Variants in MTPAP observed in about 807,000 individuals in gnomAD.
MTPAP encodes mitochondrial poly(A) polymerase, also known as poly(A) RNA polymerase, mitochondrial.
A neutral mutation model predicts 48.7 loss-of-function variants in MTPAP; 23 were observed. The ratio of observed to expected loss-of-function variants is 0.47; its 90% CI spans 0.34 to 0.67. The LOEUF (loss-of-function observed/expected upper bound fraction) is 0.67. MTPAP is among the 30% of genes least tolerant of loss of function. The pLI is 0.01. For missense variants in MTPAP, 614 were observed against 694.3 expected (o/e 0.88, Z 1.30); for synonymous variants, 257 against 254.1 (o/e 1.01, Z -0.11).
At chr10:30,331,893 CA>C (rs1834671903) in intron 4 of MTPAP, among the ~76,000 whole-genome samples, 1 of 152,168 alleles carries the variant, frequency 6.6e-6, no homozygotes, top group African/African-American at 2.4e-5. Flanking sequence ...CATTCATTAG[CA>C]AATAATTTTA....
intron 4 of MTPAP, among the ~76,000 whole-genome samples, chr10:30,328,967 T>C (rs1834631194): frequency 6.6e-6 from 1 of 152,000 alleles, no homozygotes; most frequent in Non-Finnish European, 1.5e-5. Flanking sequence ...CAGGGTATCA[T>C]AGGCTGCCTG....
chr10:30,319,437 A>G (rs977447525), intron 6 of MTPAP, among the ~76,000 whole-genome samples: 1 of 152,244 alleles, frequency 6.6e-6, no homozygotes, highest in Non-Finnish European at 1.5e-5. Flanking sequence ...ACAGCTTAGA[A>G]GAAATGAAAT....
At chr10:30,342,578 C>T (rs957757207) in intron 1 of MTPAP, among the ~76,000 whole-genome samples, 5 of 149,800 alleles carry the variant, frequency 3.3e-5, no homozygotes, top group Admixed American at 2.7e-4. Context: ...ACTAAAATCA[C>T]TTATTTAATA....
chr10:30,318,800 C>G (rs1403002493), intron 6 of MTPAP, among the ~76,000 whole-genome samples: 1 of 152,134 alleles, frequency 6.6e-6, no homozygotes, highest in African/African-American at 2.4e-5. Context: ...CAATACTATT[C>G]CGAGAACAGA....
At position 30,310,719 on chromosome 10, in the gene MTPAP, G is replaced by C. The variant is rs1195710169; in HGVS notation, c.*2890C>G. 1 of 152,060 alleles carries C rather than the reference G, an allele frequency of 6.6e-6. No homozygotes were observed. The highest frequency in any genetic ancestry group is 1.5e-5 in the Non-Finnish European group (1 of 68,096). The allele number at this position is 152,060 out of a possible 1,614,324, so 9.4% of individuals were successfully genotyped here. The stretch of plus-strand genomic sequence containing the variant: ...ATTCAAGACCAGCCTGGCCAACATG[G>C]TGAAACCCCGTCTCTACTAACATAC... On this transcript the variant is annotated 3_prime_UTR_variant, in exon 9 of 9. Coordinates refer to ENST00000263063, the MANE Select transcript of MTPAP (RefSeq NM_018109.4).
intron 5 of MTPAP, among the ~76,000 whole-genome samples, chr10:30,323,712 G>A (rs1046501810): frequency 1.3e-5 from 2 of 152,200 alleles, no homozygotes; most frequent in African/African-American, 4.8e-5. Flanking sequence ...GGGTTTCACC[G>A]TGTTAGCCAG....
chr10:30,316,653 G>A (rs920664219), intron 6 of MTPAP, among the ~76,000 whole-genome samples: 3 of 151,086 alleles, frequency 2.0e-5, no homozygotes, highest in Non-Finnish European at 4.4e-5. Flanking sequence ...ACTTTGGAAG[G>A]CTGAGGCGGG....
intron 1 of MTPAP, among the ~76,000 whole-genome samples, chr10:30,347,014 G>A (rs1211503023): frequency 1.3e-5 from 2 of 152,214 alleles, no homozygotes; most frequent in Non-Finnish European, 2.9e-5. Context: ...TGACCTTAAA[G>A]TATGATATAT....
intron 2 of MTPAP, 63 bp from the exon 3 acceptor site, chr10:30,340,513 G>C (rs1247485030): frequency 7.6e-6 from 8 of 1,046,392 alleles, no homozygotes; most frequent in Non-Finnish European, 1.0e-5. Context: ...TACTATTTTA[G>C]CTCATATATT....
In MTPAP at chr10:30,312,503, G is replaced by C. The variant is rs959178933; in HGVS notation, c.*1106C>G. On this transcript the variant is annotated 3_prime_UTR_variant, in exon 9 of 9. Transcript: ENST00000263063. The stretch of plus-strand genomic sequence containing the variant: ...GAGAATGGCGTGAACCTGGGAGGCA[G>C]AGCTTGCAGTGAGCCGAGATTGCGC... 6 of 145,154 alleles carry C rather than the reference G, an allele frequency of 4.1e-5. No homozygotes were observed. Among genetic ancestry groups the C allele is most frequent in the Admixed American group, 2.2e-4 (3 of 13,760 alleles). The allele number at this position is 145,154 out of a possible 1,614,324, so 9.0% of individuals were successfully genotyped here. A position where few individuals can be genotyped will look rare whatever the true frequency, so the allele number is the denominator to read the frequency against.
At position 30,309,999 on chromosome 10, in the gene MTPAP, T is replaced by C. The variant is rs1840572160; in HGVS notation, c.*3610A>G. On this transcript the variant is annotated 3_prime_UTR_variant, in exon 9 of 9. Coordinates refer to ENST00000263063, the MANE Select transcript of MTPAP (RefSeq NM_018109.4). ...TGGGCTATAGCTGAAATCGTTTTGA[T>C]CTGGGTAGTCTCCTATCAAAATTAC... 1 of 152,212 alleles carries C rather than the reference T, an allele frequency of 6.6e-6. No homozygotes were observed. The highest frequency in any genetic ancestry group is 2.4e-5 in the African/African-American group (1 of 41,454). The allele number at this position is 152,212 out of a possible 1,614,324, so 9.4% of individuals were successfully genotyped here.
At position 30,322,432 on chromosome 10, in the gene MTPAP, G is replaced by A; in HGVS notation, c.1178C>T (p.Pro393Leu). Residue 393 changes from proline to leucine, a missense_variant, in exon 6 of 9, where the codon CCC becomes CTC. Physicochemically the swap from Pro to Leu is moderately conservative, Grantham distance 98. Transcript: ENST00000263063. ...GGAATCTAGTGTTGGAAGAATAGGG[G>A]GTGATCTTCTCTGGAGAAAAAAGAT... ...MVIFFLQRRS[P>L]PILPTLDSLK... 1 of 1,613,282 alleles carries A rather than the reference G, an allele frequency of 6.2e-7. No individual in the cohort carries two copies. Among genetic ancestry groups the A allele is most frequent in the Admixed American group, 1.7e-5 (1 of 60,002 alleles).
chr10:30,328,697 C>T (rs528645362), intron 4 of MTPAP, among the ~76,000 whole-genome samples: 1 of 152,158 alleles, frequency 6.6e-6, no homozygotes, highest in African/African-American at 2.4e-5. Context: ...GGAGTGTACC[C>T]CACATTCATT....
chr10:30,326,273 G>A, intron 5 of MTPAP, 151 bp downstream of exon 5: 1 of 715,394 alleles, frequency 1.4e-6, no homozygotes, highest in Admixed American at 2.9e-5. Flanking sequence ...TAAGAGAAAA[G>A]ATTACTTACT....
At chr10:30,318,031 T>C (rs566529349) in intron 6 of MTPAP, among the ~76,000 whole-genome samples, 1 of 152,172 alleles carries the variant, frequency 6.6e-6, no homozygotes, top group Non-Finnish European at 1.5e-5. Context: ...CTAATTTTTA[T>C]ATTTTTAGTT....
In MTPAP at chr10:30,340,379, T is replaced by C; in HGVS notation, c.402A>G (p.Pro134=). 1 of 1,614,188 alleles carries C rather than the reference T, an allele frequency of 6.2e-7. No individual in the cohort carries two copies. Among genetic ancestry groups the C allele is most frequent in the Non-Finnish European group, 8.5e-7 (1 of 1,180,038 alleles). The stretch of plus-strand genomic sequence containing the variant: ...GAATTGCAGTCTCCATGGCCGTGCT[T>C]GGAGTATGAGTCCCATTCTGCAGTG... The part of the protein sequence containing the change: ...IGSLQNGTHT[P]STAMETAIPF... The change falls in exon 3 of 9, where the codon CCA becomes CCG. Residue 134 remains proline (P), a synonymous_variant. Coordinates refer to ENST00000263063, the MANE Select transcript of MTPAP (RefSeq NM_018109.4).
At chr10:30,349,032 C>T in intron 1 of MTPAP, 87 bp downstream of exon 1, 1 of 1,590,216 alleles carries the variant, frequency 6.3e-7, no homozygotes, top group Non-Finnish European at 8.6e-7. Flanking sequence ...GGGTCCACAG[C>T]CGTTTCCACA....
chr10:30,314,884 CAAAAAAAAA>C (rs34249388), intron 8 of MTPAP, among the ~76,000 whole-genome samples: 20 of 110,746 alleles, frequency 1.8e-4, no homozygotes, highest in East Asian at 7.9e-4. Flanking sequence ...AAAACAAAAA[CAAAAAAAAA>C]AAAAAAAAAA....
In MTPAP at chr10:30,316,116, AC is replaced by A; in HGVS notation, c.1312+1del. 1 of 1,612,174 alleles carries A rather than the reference AC, an allele frequency of 6.2e-7. No homozygotes were observed. The highest frequency in any genetic ancestry group is 1.1e-5 in the South Asian group (1 of 91,038). ...GGATCAAGTAAACAGAAAGACACTT[AC>A]CTAATGTTTCTGTGTTCTGTGAAGG... On this transcript the variant is annotated splice_donor_variant, in intron 7 of 8. Transcript: ENST00000263063. LOFTEE classifies it high-confidence loss of function.
Sources: gnomAD v4.1 joint callset for allele counts (sites outside exome capture counted in the v4.1 genomes callset) on GRCh38, gnomAD v4.1.1 for gene constraint, MANE v1.5 for transcripts, NCBI Gene and HGNC (gene_info 2026-07-23, HGNC 2026-07-21) for gene names.